Variants in ZNF516 observed in about 807,000 individuals in gnomAD.
ZNF516 encodes zinc finger protein 516.
Under a neutral mutation model 79.7 loss-of-function variants are expected in ZNF516, and 19 were observed. The observed-to-expected ratio is 0.24, with a 90% CI of 0.17 to 0.35. The LOEUF (loss-of-function observed/expected upper bound fraction) is 0.35. Among genes scored for constraint, ZNF516 ranks in the 10% least tolerant of loss-of-function variants. ZNF516 has a pLI of 1.00. For missense variants in ZNF516, 1,678 were observed against 1,679.5 expected (o/e 1.00, Z 0.02); for synonymous variants, 877 against 739.5 (o/e 1.19, Z -3.02).
rs1397743330 is a variant in ZNF516 at position 76,442,056 on chromosome 18, G to T, written c.999C>A (p.Leu333=). The T allele has an allele frequency of 3.1e-6, 5 of 1,613,916 alleles. No individual in the cohort carries two copies. The highest frequency in any genetic ancestry group is 4.2e-6 in the Non-Finnish European group (5 of 1,179,906). Residue 333 remains leucine (L), a synonymous_variant, in exon 3 of 7, where the codon CTC becomes CTA. Coordinates refer to ENST00000443185, the MANE Select transcript of ZNF516 (RefSeq NM_014643.4). ...QEEVIVAGLS[L]YEVCAKCGNL... ...TCCCGCACTTGGCGCAGACCTCGTA[G>T]AGGCTCAGGCCGGCGACGATCACCT...
At chr18:76,461,303 G>T (rs1207139985) in intron 2 of ZNF516, among the ~76,000 whole-genome samples, 3 of 152,260 alleles carry the variant, frequency 2.0e-5, no homozygotes, top group African/African-American at 7.2e-5. Flanking sequence ...GGTGAGGCCA[G>T]TGTCTCGTCT....
rs567090838 is a variant in ZNF516, at chr18:76,492,056, G to C, written c.-272+3088C>G. The C allele has an allele frequency of 2.1e-4, 133 of 645,010 alleles. No individual in the cohort carries two copies. The African/African-American group carries it at 2.5e-3, about 12-fold the overall frequency. 40.0% of individuals were successfully genotyped at this position (645,010 alleles called of 1,614,324 possible). A position where few individuals can be genotyped will look rare whatever the true frequency, so the allele number is the denominator to read the frequency against. ...GACCTCGGTGCGGCCTGGTGGCCGG[G>C]CACACCCGCGCATGGACGAGGTCCC... On this transcript the variant is annotated intron_variant, in intron 1 of 6. Coordinates refer to ENST00000443185, the MANE Select transcript of ZNF516 (RefSeq NM_014643.4).
intron 4 of ZNF516, among the ~76,000 whole-genome samples, chr18:76,372,473 G>A (rs536957374): frequency 1.3e-5 from 2 of 152,208 alleles, no homozygotes; most frequent in South Asian, 4.1e-4. Context: ...AGTTACACCT[G>A]TTGCAGTAAT....
In ZNF516 at chr18:76,379,472, C is replaced by T. The variant is rs2074851510; in HGVS notation, c.2642G>A (p.Gly881Asp). The stretch of plus-strand genomic sequence containing the variant: ...TTTGGTCTGTCGATACCCGTCAGGG[C>T]CGGGCGCCCACAGAGCGCAGGGACC... ...SGGPCALWAPGPDGYRQTKPC... is the reference protein window; with the variant it reads ...SGGPCALWAPDPDGYRQTKPC... Residue 881 changes from glycine (G) to aspartate (D), a missense_variant, in exon 4 of 7, where the codon GGC becomes GAC. Physicochemically the swap from Gly to Asp is moderately conservative, Grantham distance 94. Around this residue, in one of 5 missense-constraint regions of ZNF516, gnomAD observed 1,294 missense variants for 1,248.3 expected, o/e 1.04. Transcript: ENST00000443185. The T allele has an allele frequency of 6.2e-7, 1 of 1,613,632 alleles. No homozygotes were observed. The highest frequency in any genetic ancestry group is 1.1e-5 in the South Asian group (1 of 91,088).
At chr18:76,458,730 T>C (rs555444145) in intron 2 of ZNF516, among the ~76,000 whole-genome samples, 5 of 140,340 alleles carry the variant, frequency 3.6e-5, no homozygotes, top group Admixed American at 7.1e-5. Context: ...TGTGCATGCC[T>C]GTAGGCAATG....
At position 76,442,305 on chromosome 18, in the gene ZNF516, G is replaced by A. The variant is rs1568296917; in HGVS notation, c.750C>T (p.Cys250=). The part of the protein sequence containing the change: ...KPELSPGEFP[C]EVCGQAFSQT... ...GGCTGAAGGCCTGGCCACACACCTC[G>A]CACGGGAACTCCCCGGGGCTCAGCT... The change falls in exon 3 of 7, where the codon TGC becomes TGT. Residue 250 remains cysteine, a synonymous_variant. Coordinates refer to ENST00000443185, the MANE Select transcript of ZNF516 (RefSeq NM_014643.4). 1.9e-6 allele frequency: 3 copies of A among 1,612,314 alleles called. No individual in the cohort carries two copies. Among genetic ancestry groups the A allele is most frequent in the Non-Finnish European group, 2.5e-6 (3 of 1,179,496 alleles).
intron 3 of ZNF516, among the ~76,000 whole-genome samples, chr18:76,432,630 G>A (rs993547675): frequency 4.6e-5 from 7 of 152,288 alleles, no homozygotes; most frequent in East Asian, 1.9e-4. Context: ...GGGCCCCAGC[G>A]CCAATGAAAC....
chr18:76,433,752 G>A (rs114177671), intron 3 of ZNF516, among the ~76,000 whole-genome samples: 8 of 152,188 alleles, frequency 5.3e-5, no homozygotes, highest in Non-Finnish European at 8.8e-5. Flanking sequence ...GTGAAGAATC[G>A]AGAAAGGATG....
chr18:76,432,084 G>T (rs2075668332), intron 3 of ZNF516, among the ~76,000 whole-genome samples: 1 of 152,248 alleles, frequency 6.6e-6, no homozygotes, highest in Non-Finnish European at 1.5e-5. Context: ...GATGTCACCA[G>T]TTGAACAAGG....
At chr18:76,471,757 T>C (rs1913855671) in intron 1 of ZNF516, among the ~76,000 whole-genome samples, 1 of 152,118 alleles carries the variant, frequency 6.6e-6, no homozygotes, top group African/African-American at 2.4e-5. Flanking sequence ...ATGCTGCCAG[T>C]CCGTGGAGGC....
At chr18:76,383,230 C>T (rs1334726838) in intron 3 of ZNF516, among the ~76,000 whole-genome samples, 1 of 152,126 alleles carries the variant, frequency 6.6e-6, no homozygotes, top group Non-Finnish European at 1.5e-5. Context: ...TTCGCAGAAG[C>T]AGCTGATGAG....
rs1463430869 is a variant in ZNF516 at position 76,441,794 on chromosome 18, G to C, written c.1261C>G (p.Leu421Val). Residue 421 changes from leucine to valine, a missense_variant, in exon 3 of 7, where the codon CTG becomes GTG. Leu to Val is a conservative substitution (Grantham distance 32). Around this residue, in one of 5 missense-constraint regions of ZNF516, gnomAD observed 1,294 missense variants for 1,248.3 expected, o/e 1.04. Transcript: ENST00000443185. The part of the protein sequence containing the change: ...DPVNSYQAWQ[L>V]ATRGKVAEPA... ...TCGGCCACCTTACCCCGCGTGGCCA[G>C]CTGCCAGGCCTGGTAGCTGTTGACC... 5 of 1,560,236 alleles carry C rather than the reference G, an allele frequency of 3.2e-6. No homozygotes were observed. In the South Asian group the frequency reaches 5.8e-5, roughly 18 times the overall value.
intron 1 of ZNF516, chr18:76,492,957 C>A: frequency 1.0e-6 from 1 of 985,596 alleles, no homozygotes; most frequent in Non-Finnish European, 1.2e-6. Context: ...AGTGTGCAGA[C>A]ACATGGGCTC....
intron 1 of ZNF516, among the ~76,000 whole-genome samples, chr18:76,483,494 G>A (rs12957103): frequency 6.6e-6 from 1 of 151,998 alleles, no homozygotes; most frequent in Non-Finnish European, 1.5e-5. Flanking sequence ...GTCCGTCATC[G>A]GCATCTGTCT....
chr18:76,463,776 T>G (rs556291277), intron 1 of ZNF516, among the ~76,000 whole-genome samples: 29 of 152,174 alleles, frequency 1.9e-4, no homozygotes, highest in Non-Finnish European at 4.0e-4. Flanking sequence ...GTGGCACAGC[T>G]CTCACTAGAC....
chr18:76,441,166 G>C, intron 3 of ZNF516, 79 bp downstream of exon 3: 9 of 1,505,512 alleles, frequency 6.0e-6, no homozygotes, highest in Admixed American at 2.2e-5. Flanking sequence ...GAGCCTACTT[G>C]AGTATACGTT....
chr18:76,442,056 G>A lies in ZNF516; in HGVS notation c.999C>T (p.Leu333=), dbSNP rs1397743330. ...QEEVIVAGLS[L]YEVCAKCGNL... is the part of the protein sequence containing the mutation. ...TCCCGCACTTGGCGCAGACCTCGTA[G>A]AGGCTCAGGCCGGCGACGATCACCT... is the stretch of plus-strand genomic sequence containing the variant. The change falls in exon 3 of 7, where the codon CTC becomes CTT. Residue 333 remains leucine, a synonymous_variant. Coordinates refer to ENST00000443185, the MANE Select transcript of ZNF516 (RefSeq NM_014643.4). 6.2e-7 allele frequency: 1 copy of A among 1,613,916 alleles called. No individual in the cohort carries two copies. Among genetic ancestry groups the A allele is most frequent in the Non-Finnish European group, 8.5e-7 (1 of 1,179,906 alleles).
chr18:76,362,771 TAAAG>T (rs764453123), intron 6 of ZNF516, among the ~76,000 whole-genome samples: 6 of 152,176 alleles, frequency 3.9e-5, no homozygotes, highest in Non-Finnish European at 7.3e-5. Flanking sequence ...CTTCCTGCCT[TAAAG>T]AGAGGCAGCT....
At chr18:76,473,369 A>C (rs1913964731) in intron 1 of ZNF516, among the ~76,000 whole-genome samples, 2 of 150,548 alleles carry the variant, frequency 1.3e-5, no homozygotes, top group Admixed American at 1.3e-4. Flanking sequence ...AAAAAAAAAA[A>C]AAAAAAAAAA....
Sources: allele counts gnomAD v4.1 joint callset (sites outside exome capture counted in the v4.1 genomes callset), GRCh38; gene constraint gnomAD v4.1.1; regional missense constraint gnomAD v4.1.1; transcripts MANE v1.5; gene names NCBI Gene and HGNC (gene_info 2026-07-23, HGNC 2026-07-21).